Variants in BBX observed in about 807,000 individuals in gnomAD.
The protein encoded by BBX is HMG box transcription factor BBX.
Under a neutral mutation model 100.2 loss-of-function variants are expected in BBX, and 30 were observed. The observed-to-expected ratio is 0.30, with a 90% CI of 0.22 to 0.41. BBX has a LOEUF of 0.41. Among genes scored for constraint, BBX ranks in the 10% least tolerant of loss-of-function variants. BBX has a pLI of 1.00. For missense variants in BBX, 1,023 were observed against 1,129.8 expected (o/e 0.91, Z 1.35); for synonymous variants, 376 against 388.1 (o/e 0.97, Z 0.37).
intron 14 of BBX, 87 bp from the exon 15 acceptor site, chr3:107,791,153 G>A (rs1446085038): frequency 1.8e-6 from 2 of 1,089,662 alleles, no homozygotes; most frequent in Non-Finnish European, 1.4e-6. Flanking sequence ...TCAAAAGTTA[G>A]TTTGTATATC....
intron 2 of BBX, among the ~76,000 whole-genome samples, chr3:107,634,755 A>G (rs962870595): frequency 6.6e-6 from 1 of 152,206 alleles, no homozygotes; most frequent in African/African-American, 2.4e-5. Flanking sequence ...GAAACCTGTA[A>G]AAGCCTTGTT....
chr3:107,609,654 C>A (rs981377248), intron 2 of BBX, among the ~76,000 whole-genome samples: 32 of 151,794 alleles, frequency 2.1e-4, no homozygotes, highest in African/African-American at 7.3e-4. Context: ...TTCTACTTTT[C>A]CAATTTATTG....
chr3:107,697,093 A>G (rs1253661393), intron 3 of BBX, among the ~76,000 whole-genome samples: 1 of 143,222 alleles, frequency 7.0e-6, no homozygotes, highest in South Asian at 2.1e-4. Context: ...CTAGTTATAC[A>G]TTCTTCTAAA....
intron 2 of BBX, among the ~76,000 whole-genome samples, chr3:107,624,806 T>A (rs1280426221): frequency 6.6e-6 from 1 of 151,132 alleles, no homozygotes; most frequent in Non-Finnish European, 1.5e-5. Flanking sequence ...GAGGCGGAGG[T>A]TGCAGTGAGC....
chr3:107,548,886 A>G (rs2049443268), intron 2 of BBX, among the ~76,000 whole-genome samples: 1 of 152,212 alleles, frequency 6.6e-6, no homozygotes, highest in African/African-American at 2.4e-5. Context: ...AATTAACGTA[A>G]GAACAGAAAA....
At chr3:107,529,072 T>G (rs543568633) in intron 2 of BBX, among the ~76,000 whole-genome samples, 2 of 152,362 alleles carry the variant, frequency 1.3e-5, no homozygotes, top group East Asian at 3.9e-4. Flanking sequence ...TGTGCCTTTT[T>G]GCTGTACTAC....
chr3:107,804,775 G>A (rs1178193331), intron 17 of BBX, among the ~76,000 whole-genome samples: 3 of 150,624 alleles, frequency 2.0e-5, no homozygotes, highest in African/African-American at 7.3e-5. Context: ...CTGTCCATGT[G>A]CATGTGAGTT....
chr3:107,631,945 A>C (rs2056573243), intron 2 of BBX, among the ~76,000 whole-genome samples: 1 of 152,230 alleles, frequency 6.6e-6, no homozygotes, highest in Non-Finnish European at 1.5e-5. Context: ...GATATTTCAA[A>C]GTGATTTGAA....
chr3:107,707,797 A>G (rs1330043887), intron 3 of BBX, among the ~76,000 whole-genome samples: 1 of 152,202 alleles, frequency 6.6e-6, no homozygotes, highest in Non-Finnish European at 1.5e-5. Flanking sequence ...TTCTCTTTGA[A>G]TATTGAAATT....
intron 2 of BBX, 38 bp downstream of exon 2, chr3:107,526,436 A>G: frequency 2.5e-6 from 1 of 398,520 alleles, no homozygotes; most frequent in Non-Finnish European, 4.4e-6. Context: ...AAGCAGGATG[A>G]CAATTAGTAA....
rs760926955 is a variant in BBX at position 107,710,602 on chromosome 3, G to A, written c.142G>A (p.Glu48Lys). Residue 48 changes from glutamate (E) to lysine (K), a missense_variant, in exon 4 of 18, where the codon GAA (glutamate) becomes AAA (lysine). Glu to Lys is a moderately conservative substitution (Grantham distance 56). Around this residue, in one of 9 missense-constraint regions of BBX, gnomAD observed 229 missense variants for 226.3 expected, o/e 1.01. Transcript: ENST00000325805. Reference protein sequence around the residue: ...DFSEEEEEEDEEEDIDKVQLL... With the variant: ...DFSEEEEEEDKEEDIDKVQLL... ...TTCAGAAGAGGAAGAAGAGGAAGAC[G>A]AAGAGGAGGATATTGATAAGGTAAG... 61 of 1,612,434 alleles carry A rather than the reference G, an allele frequency of 3.8e-5. No individual in the cohort carries two copies. The highest frequency in any genetic ancestry group is 4.5e-5 in the Non-Finnish European group (53 of 1,179,160).
At position 107,805,642 on chromosome 3, in the gene BBX, A is replaced by G; in HGVS notation, c.*185A>G. ...GGGCCAGTTTGTTCTCTCAGAACCC[A>G]GAATCTTTGAGGGTAAGGTTATCTG... On this transcript the variant is annotated 3_prime_UTR_variant, in exon 18 of 18. Transcript: ENST00000325805. 1 of 1,094,824 alleles carries G rather than the reference A, an allele frequency of 9.1e-7. No individual in the cohort carries two copies. The highest frequency in any genetic ancestry group is 2.6e-5 in the East Asian group (1 of 38,508). 67.8% of individuals were successfully genotyped at this position (1,094,824 alleles called of 1,614,324 possible).
At chr3:107,672,945 A>G (rs1157141732) in intron 3 of BBX, among the ~76,000 whole-genome samples, 1 of 152,092 alleles carries the variant, frequency 6.6e-6, no homozygotes, top group Non-Finnish European at 1.5e-5. Flanking sequence ...AACCCCATGG[A>G]TGACTTTGTA....
At chr3:107,688,653 C>T (rs2059984156) in intron 3 of BBX, among the ~76,000 whole-genome samples, 1 of 152,116 alleles carries the variant, frequency 6.6e-6, no homozygotes. Context: ...ACTCTATTAC[C>T]TGCTGCCTAG....
chr3:107,765,444 G>T (rs773177608), intron 10 of BBX, among the ~76,000 whole-genome samples: 2 of 151,548 alleles, frequency 1.3e-5, no homozygotes, highest in African/African-American at 4.8e-5. Flanking sequence ...TTTAGGGGTG[G>T]GTGTGGGTGT....
chr3:107,714,995 A>G (rs752106901), intron 4 of BBX, among the ~76,000 whole-genome samples: 101 of 152,090 alleles, frequency 6.6e-4, no homozygotes, highest in Non-Finnish European at 3.1e-4. Flanking sequence ...CATGTTCACC[A>G]GGATCGTCTC....
intron 2 of BBX, among the ~76,000 whole-genome samples, chr3:107,581,287 G>C (rs1222700190): frequency 6.6e-6 from 1 of 151,962 alleles, no homozygotes; most frequent in Non-Finnish European, 1.5e-5. Context: ...GCAGTGTAGG[G>C]TGGATAAAAG....
At chr3:107,526,454 AG>A (rs2047784944) in intron 2 of BBX, 56 bp downstream of exon 2, 1 of 398,250 alleles carries the variant, frequency 2.5e-6, no homozygotes, top group Non-Finnish European at 4.4e-6. Context: ...TAATGACATA[AG>A]GGTCTTTATT....
chr3:107,733,107 C>G (rs2063413323), intron 7 of BBX, 84 bp downstream of exon 7: 1 of 1,185,252 alleles, frequency 8.4e-7, no homozygotes, highest in Non-Finnish European at 1.2e-6. Flanking sequence ...GTTCATTCTG[C>G]ATTTTCACTG....
Sources: gnomAD v4.1 joint callset for allele counts (sites outside exome capture counted in the v4.1 genomes callset) on GRCh38, gnomAD v4.1.1 for gene constraint, gnomAD v4.1.1 regional missense constraint, MANE v1.5 for transcripts, NCBI Gene and HGNC (gene_info 2026-07-23, HGNC 2026-07-21) for gene names.